Variants in MOB3C observed in about 807,000 individuals in gnomAD.
The protein encoded by MOB3C is MOB kinase activator 3C.
MOB3C carries 17 observed loss-of-function variants against 19.8 expected under a neutral mutation model. The ratio of observed to expected loss-of-function variants is 0.86; its 90% CI spans 0.59 to 1.29. The LOEUF is 1.29. Among genes scored for constraint, MOB3C ranks in the 50% most tolerant of loss-of-function variants. The pLI, the probability that MOB3C is intolerant of heterozygous loss-of-function variation, is 0.00. For synonymous variants in MOB3C, 101 were observed against 119.2 expected, an observed-to-expected ratio of 0.85 and a Z score of 0.99; for missense variants, 291 against 301.9, an observed-to-expected ratio of 0.96 and a Z score of 0.27.
rs574352913 is a variant in MOB3C, at chr1:46,613,038, C to T, written c.284G>A (p.Arg95His). The T allele has an allele frequency of 1.2e-6, 2 of 1,613,968 alleles. No individual in the cohort carries two copies. The highest frequency in any genetic ancestry group is 1.1e-5 in the South Asian group (1 of 91,072). The change falls in exon 2 of 4, where the codon CGC becomes CAC. Residue 95 changes from arginine to histidine, a missense_variant. Physicochemically the swap from Arg to His is conservative, Grantham distance 29 (BLOSUM62 0). Transcript: ENST00000319928. Reference sequence around the variant, plus strand: ...CTCGTCCTGCCAGCGGTACTCGTAGCGGGGCCCGCCGGCCATGACCGGGCA... The same window carrying T: ...CTCGTCCTGCCAGCGGTACTCGTAGTGGGGCCCGCCGGCCATGACCGGGCA... ...TSCPVMAGGPRYEYRWQDERQ... is the reference protein window; with the variant it reads ...TSCPVMAGGPHYEYRWQDERQ...
rs375231101 is a variant in MOB3C, at chr1:46,608,355, C to A, written c.*1300G>T. On this transcript the variant is annotated 3_prime_UTR_variant, in exon 4 of 4. Transcript: ENST00000319928. This position sits in a 1 kb window ranked among gnomAD's most constrained non-coding sequence, Gnocchi z 4.5. The stretch of plus-strand genomic sequence containing the variant: ...CCCTCTGGCTTTCCATTCTGGCATC[C>A]CAGAGTGGAGGCTCTGGGAGGGCAG... 3.3e-5 allele frequency: 5 copies of A among 152,224 alleles called. No individual in the cohort carries two copies. Among genetic ancestry groups the A allele is most frequent in the African/African-American group, 1.2e-4 (5 of 41,416 alleles). The allele number at this position is 152,224 out of a possible 1,614,324, so 9.4% of individuals were successfully genotyped here.
At chr1:46,613,909 CT>C in intron 1 of MOB3C, 1 of 153,336 alleles carries the variant, frequency 6.5e-6, no homozygotes, top group Non-Finnish European at 1.5e-5. Context: ...ATGTCCTTTC[CT>C]TTTTTTTCAC....
At chr1:46,614,876 C>T in intron 1 of MOB3C, 8 of 932,552 alleles carry the variant, frequency 8.6e-6, no homozygotes, top group Non-Finnish European at 1.2e-5. Context: ...CCCACAAAGG[C>T]AGGCCAGGAT....
chr1:46,609,889 C>A, intron 3 of MOB3C, 113 bp downstream of exon 3: 6 of 1,320,646 alleles, frequency 4.5e-6, no homozygotes, highest in South Asian at 1.3e-5. Flanking sequence ...AAATGAATTG[C>A]CTTCCCCTAA....
Position 46,611,309 on chromosome 1 carries a change from G to C in MOB3C, c.419-1105C>G, listed in dbSNP as rs942083. ...AAGCTGCTAGCCCAAGGCCACATAA[G>C]TATTAATCAGTGCAGAATGGAGACT... On this transcript the variant is annotated intron_variant, in intron 2 of 3. Transcript: ENST00000319928. The surrounding 1 kb of genome is among the most constrained non-coding windows in gnomAD (Gnocchi z 4.1). 0.46 allele frequency among the ~76,000 whole-genome samples: 69,344 copies of C among 152,082 alleles called. 16,478 individuals are homozygous for C. The highest frequency in any genetic ancestry group is 0.52 in the Non-Finnish European group (35,085 of 67,964).
At chr1:46,612,009 G>A (rs1358537749) in intron 2 of MOB3C, among the ~76,000 whole-genome samples, 4 of 152,160 alleles carry the variant, frequency 2.6e-5, no homozygotes, top group African/African-American at 4.8e-5. Flanking sequence ...CTACAGGTGC[G>A]GCTGGTGTGA....
Position 46,610,194 on chromosome 1 carries a change from GA to G in MOB3C, c.428del (p.Phe143SerfsTer13). On this transcript the variant is annotated frameshift_variant, in exon 3 of 4. Coordinates refer to ENST00000319928, the MANE Select transcript of MOB3C (RefSeq NM_201403.3). LOFTEE classifies it high-confidence loss of function. Reference sequence around the variant, plus strand: ...TGCAGACCTGCTGGAAGTTCTTAGGGAAGGGAACTCCTAGAGGGCAGGGGAG... The same window carrying G: ...TGCAGACCTGCTGGAAGTTCTTAGGGAGGGAACTCCTAGAGGGCAGGGGAG... ...EVFPTRVGVP[F>X]PKNFQQVCTK... The G allele has an allele frequency of 6.2e-7, 1 of 1,614,068 alleles. No individual in the cohort carries two copies. The highest frequency in any genetic ancestry group is 8.5e-7 in the Non-Finnish European group (1 of 1,180,002).
intron 1 of MOB3C, chr1:46,615,120 A>G (rs1570382594): frequency 4.0e-6 from 6 of 1,504,510 alleles, no homozygotes; most frequent in South Asian, 1.1e-5. Context: ...AGTGCTTCCA[A>G]AATCCCTCAC....
rs1006451264 is a variant in MOB3C, at chr1:46,613,027, G to A, written c.295C>T (p.Arg99Cys). ...CGGTACTGGCGCTCGTCCTGCCAGC[G>A]GTACTCGTAGCGGGGCCCGCCGGCC... ...VMAGGPRYEY[R>C]WQDERQYRRP... The change falls in exon 2 of 4, where the codon CGC becomes TGC. Residue 99 changes from arginine to cysteine, a missense_variant. Arg to Cys is a radical substitution (Grantham distance 180). Coordinates refer to ENST00000319928, the MANE Select transcript of MOB3C (RefSeq NM_201403.3). 3 of 1,613,800 alleles carry A rather than the reference G, an allele frequency of 1.9e-6. No homozygotes were observed. Among genetic ancestry groups the A allele is most frequent in the African/African-American group, 1.3e-5 (1 of 74,956 alleles).
chr1:46,615,748 A>G (rs1159519792), intron 1 of MOB3C: 1 of 152,308 alleles, frequency 6.6e-6, no homozygotes, highest in Non-Finnish European at 1.5e-5. Flanking sequence ...CTGGCTCATC[A>G]ATGGTCTGGT....
chr1:46,610,090 G>T lies in MOB3C; in HGVS notation c.533C>A (p.Ala178Glu). ...HHFDSILSMGAEAHVNTCYKH... is the reference protein window; with the variant it reads ...HHFDSILSMGEEAHVNTCYKH... Reference sequence around the variant, plus strand: ...GTAGCAGGTGTTGACGTGCGCCTCTGCCCCCATGCTGAGGATGCTATCGAA... The same window carrying T: ...GTAGCAGGTGTTGACGTGCGCCTCTTCCCCCATGCTGAGGATGCTATCGAA... The change falls in exon 3 of 4, where the codon GCA becomes GAA. Residue 178 changes from alanine (A) to glutamate (E), a missense_variant. By Grantham distance (107) the Ala-to-Glu change is moderately radical. Coordinates refer to ENST00000319928, the MANE Select transcript of MOB3C (RefSeq NM_201403.3). 1 of 1,614,188 alleles carries T rather than the reference G, an allele frequency of 6.2e-7. No individual in the cohort carries two copies. The highest frequency in any genetic ancestry group is 8.5e-7 in the Non-Finnish European group (1 of 1,180,050).
intron 1 of MOB3C, chr1:46,614,906 G>T: frequency 7.8e-7 from 1 of 1,287,810 alleles, no homozygotes; most frequent in Non-Finnish European, 1.1e-6. Context: ...CTGGTAAAAT[G>T]AGAGCAGCTT....
intron 2 of MOB3C, 72 bp downstream of exon 2, chr1:46,612,832 G>A (rs1675491081): frequency 7.0e-7 from 1 of 1,421,484 alleles, no homozygotes; most frequent in African/African-American, 1.4e-5. Context: ...CCTGCAGAGT[G>A]TCTATATCAA....
chr1:46,609,962 G>A (rs199726112), intron 3 of MOB3C, 40 bp downstream of exon 3: 1 of 1,610,232 alleles, frequency 6.2e-7, no homozygotes, highest in East Asian at 2.2e-5. Flanking sequence ...AAACTCAGAG[G>A]CTAGCCTTGG....
intron 1 of MOB3C, chr1:46,613,596 T>C: frequency 1.7e-6 from 1 of 571,806 alleles, no homozygotes; most frequent in African/African-American, 1.9e-5. Flanking sequence ...TTGCTTTGTC[T>C]CTTTTCTGCT....
chr1:46,609,580 T>G lies in MOB3C; in HGVS notation c.*75A>C. ...CCAGTGCCTTCAGATTCCTTCAGGC[T>G]CCTGGGGGTCCCCTCTGCCAGCCAC... On this transcript the variant is annotated 3_prime_UTR_variant, in exon 4 of 4. Transcript: ENST00000319928. 1 of 1,582,262 alleles carries G rather than the reference T, an allele frequency of 6.3e-7. No homozygotes were observed. The highest frequency in any genetic ancestry group is 1.3e-5 in the African/African-American group (1 of 74,406).
intron 1 of MOB3C, 99 bp from the exon 2 acceptor site, chr1:46,613,470 G>GCTCA (rs1675509223): frequency 5.1e-6 from 6 of 1,182,180 alleles, no homozygotes; most frequent in Non-Finnish European, 7.1e-6. Context: ...CTCAGCCTTT[G>GCTCA]CTCAACCTCT....
Position 46,609,283 on chromosome 1 carries a change from C to T in MOB3C, c.*372G>A, listed in dbSNP as rs1675421938. The T allele has an allele frequency of 2.8e-6, 1 of 357,290 alleles. No homozygotes were observed. The highest frequency in any genetic ancestry group is 2.1e-5 in the African/African-American group (1 of 47,142). 22.1% of individuals were successfully genotyped at this position (357,290 alleles called of 1,614,324 possible). A position where few individuals can be genotyped will look rare whatever the true frequency, so the allele number is the denominator to read the frequency against. ...GCATCTGTGCTCACTCACAGGCAGACTGCTCACTTTCTTGCACCTTTCTTG... is the reference window on the plus strand; with the variant it reads ...GCATCTGTGCTCACTCACAGGCAGATTGCTCACTTTCTTGCACCTTTCTTG... On this transcript the variant is annotated 3_prime_UTR_variant, in exon 4 of 4. Coordinates refer to ENST00000319928, the MANE Select transcript of MOB3C (RefSeq NM_201403.3).
chr1:46,610,806 A>AC (rs1675451933), intron 2 of MOB3C, among the ~76,000 whole-genome samples: 2 of 152,198 alleles, frequency 1.3e-5, no homozygotes. Context: ...TCACTGACCA[A>AC]CCCTTTTTAG....
Sources: allele counts gnomAD v4.1 joint callset (sites outside exome capture counted in the v4.1 genomes callset), GRCh38; gene constraint gnomAD v4.1.1; non-coding constraint Gnocchi (gnomAD v3.1); transcripts MANE v1.5; gene names NCBI Gene and HGNC (gene_info 2026-07-23, HGNC 2026-07-21).